The following FANK1 variants were observed in gnomAD, a reference collection of about 807,000 sequenced individuals.
FANK1 encodes fibronectin type 3 and ankyrin repeat domains protein 1.
A neutral mutation model predicts 45.3 loss-of-function variants in FANK1; 44 were observed. The ratio of observed to expected loss-of-function variants is 0.97; its 90% CI spans 0.76 to 1.25. The LOEUF is 1.25. FANK1 is among the 50% of genes most tolerant of loss of function. The pLI is 0.00. For missense variants in FANK1, 391 were observed against 424.4 expected (o/e 0.92, Z 0.69); for synonymous variants, 149 against 152.5 (o/e 0.98, Z 0.17).
chr10:125,900,674 C>G (rs549074940), intron 1 of FANK1, among the ~76,000 whole-genome samples: 1 of 152,044 alleles, frequency 6.6e-6, no homozygotes, highest in Admixed American at 6.6e-5. Flanking sequence ...TTTTTTGAGA[C>G]GGAGTCTCAC....
chr10:125,983,845 G>A lies in FANK1; in HGVS notation c.191+3507G>A, dbSNP rs570159457. Among the ~76,000 whole-genome samples the A allele has an allele frequency of 5.3e-5, 8 of 152,240 alleles. No individual in the cohort carries two copies. In the South Asian group the frequency reaches 1.2e-3, roughly 24 times the overall value. On this transcript the variant is annotated intron_variant, in intron 2 of 10. Coordinates refer to ENST00000368693, the MANE Select transcript of FANK1 (RefSeq NM_145235.5). The surrounding 1 kb of genome is among the most constrained non-coding windows in gnomAD (Gnocchi z 4.3). Reference sequence around the variant, plus strand: ...GTGAAGCTGAGAAGAGGTGTGATCCGGCTTATGTTTTACGAGGATCCCTCT... The same window carrying A: ...GTGAAGCTGAGAAGAGGTGTGATCCAGCTTATGTTTTACGAGGATCCCTCT...
At chr10:125,911,342 A>G (rs1945992997) in intron 1 of FANK1, among the ~76,000 whole-genome samples, 1 of 152,334 alleles carries the variant, frequency 6.6e-6, no homozygotes, top group Admixed American at 6.5e-5. Context: ...TCCAGAAGGA[A>G]CCAGCCTTTG....
chr10:125,964,956 C>T (rs117140639), intron 1 of FANK1, among the ~76,000 whole-genome samples: 21 of 152,268 alleles, frequency 1.4e-4, no homozygotes, highest in Admixed American at 3.9e-4. Context: ...GTTGGGAGTT[C>T]GAGACCAGCC....
At chr10:125,988,824 C>T (rs774362885) in intron 3 of FANK1, 149 bp downstream of exon 3, 2 of 1,220,578 alleles carry the variant, frequency 1.6e-6, no homozygotes, top group African/African-American at 1.5e-5. Context: ...GCTAGTTGGG[C>T]CTTGCCATAA....
At chr10:125,946,307 T>C (rs1183319196) in intron 1 of FANK1, among the ~76,000 whole-genome samples, 2 of 149,284 alleles carry the variant, frequency 1.3e-5, no homozygotes, top group African/African-American at 4.9e-5. Context: ...ATCAAATTAC[T>C]CTGAGCTACG....
intron 8 of FANK1, 86 bp from the exon 9 acceptor site, chr10:126,008,968 C>T (rs1235384798): frequency 6.2e-6 from 8 of 1,293,132 alleles, no homozygotes; most frequent in African/African-American, 1.5e-5. Context: ...GCTGCTGGGA[C>T]CCTGCATGTG....
intron 1 of FANK1, among the ~76,000 whole-genome samples, chr10:125,931,004 A>G (rs779237666): frequency 6.6e-6 from 1 of 152,226 alleles, no homozygotes; most frequent in African/African-American, 2.4e-5. Flanking sequence ...ACTTGGAATA[A>G]TAGTCTCCAA....
chr10:125,914,856 TTGACTTAGGTGCGGAGGGGA>T lies in FANK1; in HGVS notation c.13+18225_13+18244del, dbSNP rs906805798. On this transcript the variant is annotated intron_variant, in intron 1 of 10. Coordinates refer to ENST00000368693, the MANE Select transcript of FANK1 (RefSeq NM_145235.5). ...CAGAAGTGAGGTCTGAACTCCCGGG[TTGACTTAGGTGCGGAGGGGA>T]TGACTTAGGTGCGGAGGGGATGAGG... is the stretch of plus-strand genomic sequence containing the variant. Among the ~76,000 whole-genome samples, 65 of 151,744 alleles carry T rather than the reference TTGACTTAGGTGCGGAGGGGA, an allele frequency of 4.3e-4. No individual in the cohort carries two copies. In the South Asian group the frequency reaches 9.2e-3, roughly 22 times the overall value.
rs556205648 is a variant in FANK1 at position 125,958,968 on chromosome 10, A to C, written c.14-21193A>C. Among the ~76,000 whole-genome samples the C allele has an allele frequency of 8.3e-4, 127 of 152,316 alleles. 1 individual carries two copies. The highest frequency in any genetic ancestry group is 3.0e-3 in the African/African-American group (124 of 41,564). ...ACAAAGTTGTCTTCTGAAAGCCCCAAATCAAATCAAAGGCACGGCATCAAA... is the reference window on the plus strand; with the variant it reads ...ACAAAGTTGTCTTCTGAAAGCCCCACATCAAATCAAAGGCACGGCATCAAA... On this transcript the variant is annotated intron_variant, in intron 1 of 10. Transcript: ENST00000368693.
At chr10:125,959,339 G>A (rs567091907) in intron 1 of FANK1, among the ~76,000 whole-genome samples, 11 of 150,500 alleles carry the variant, frequency 7.3e-5, no homozygotes, top group Non-Finnish European at 1.0e-4. Flanking sequence ...GTTTGAACCC[G>A]GGAGGCTGAG....
At chr10:125,937,498 A>C (rs1253620232) in intron 1 of FANK1, among the ~76,000 whole-genome samples, 2 of 152,078 alleles carry the variant, frequency 1.3e-5, no homozygotes, top group Non-Finnish European at 2.9e-5. Flanking sequence ...ATTTGGAAAG[A>C]CCTCTATCAA....
intron 3 of FANK1, among the ~76,000 whole-genome samples, chr10:125,992,585 A>T (rs1266046815): frequency 1.3e-5 from 2 of 152,084 alleles, no homozygotes; most frequent in African/African-American, 4.8e-5. Flanking sequence ...CATTTATTAT[A>T]TCCTAATACT....
intron 1 of FANK1, among the ~76,000 whole-genome samples, chr10:125,950,507 C>G (rs1484024350): frequency 6.6e-6 from 1 of 152,002 alleles, no homozygotes; most frequent in African/African-American, 2.4e-5. Flanking sequence ...CCAAAAAACA[C>G]ATGAAAAAAT....
At chr10:125,902,976 CTT>C (rs1945170575) in intron 1 of FANK1, among the ~76,000 whole-genome samples, 27 of 121,568 alleles carry the variant, frequency 2.2e-4, no homozygotes, top group Admixed American at 9.0e-4. Context: ...AAAGCAGTGT[CTT>C]TTAAACAGTC....
intron 3 of FANK1, among the ~76,000 whole-genome samples, chr10:125,992,130 G>A (rs1347659937): frequency 1.3e-5 from 2 of 152,198 alleles, no homozygotes; most frequent in East Asian, 3.9e-4. Context: ...ATTCCCTTGG[G>A]CCAGGCCCAC....
At chr10:125,949,515 T>C (rs1949053644) in intron 1 of FANK1, among the ~76,000 whole-genome samples, 2 of 152,034 alleles carry the variant, frequency 1.3e-5, no homozygotes, top group Admixed American at 1.3e-4. Context: ...CCATTCCCAA[T>C]TGCTTCAAAG....
At chr10:125,897,082 G>A (rs1439267753) in intron 1 of FANK1, among the ~76,000 whole-genome samples, 1 of 152,292 alleles carries the variant, frequency 6.6e-6, no homozygotes, top group African/African-American at 2.4e-5. Flanking sequence ...TCCGAGGCTG[G>A]GTCTTGTATT....
At chr10:125,928,411 G>A (rs998162018) in intron 1 of FANK1, among the ~76,000 whole-genome samples, 1 of 152,026 alleles carries the variant, frequency 6.6e-6, no homozygotes, top group African/African-American at 2.4e-5. Flanking sequence ...TAGGTTTTAG[G>A]CAGCTTCCTT....
At chr10:125,973,778 C>T (rs1950667933) in intron 1 of FANK1, 1 of 151,470 alleles carries the variant, frequency 6.6e-6, no homozygotes, top group Admixed American at 6.6e-5. Flanking sequence ...GTAAGACCCC[C>T]CTCCTGCCCA....
Sources: allele counts gnomAD v4.1 joint callset (sites outside exome capture counted in the v4.1 genomes callset), GRCh38; gene constraint gnomAD v4.1.1; non-coding constraint Gnocchi (gnomAD v3.1); transcripts MANE v1.5; gene names NCBI Gene and HGNC (gene_info 2026-07-23, HGNC 2026-07-21).